The following ZNF521 variants were observed in gnomAD, a reference collection of about 807,000 sequenced individuals.
ZNF521 encodes zinc finger protein 521.
In ZNF521, 14 loss-of-function variants were observed where a neutral mutation model predicts 105.5. That is an observed-to-expected ratio of 0.13 (90% confidence interval 0.09 to 0.21). The LOEUF (loss-of-function observed/expected upper bound fraction) is 0.21. Among genes scored for constraint, ZNF521 ranks in the 10% least tolerant of loss-of-function variants. The pLI is 1.00. For missense variants in ZNF521, 1,233 were observed against 1,629.7 expected (o/e 0.76, Z 4.19); for synonymous variants, 635 against 606.0 (o/e 1.05, Z -0.70).
chr18:25,078,585 T>C (rs1321049315), intron 7 of ZNF521, among the ~76,000 whole-genome samples: 2 of 152,154 alleles, frequency 1.3e-5, no homozygotes, highest in African/African-American at 4.8e-5. Flanking sequence ...TAAAGCCCCT[T>C]TGGAATAAGT....
chr18:25,106,254 T>C (rs1364623787), intron 5 of ZNF521, among the ~76,000 whole-genome samples: 1 of 152,112 alleles, frequency 6.6e-6, no homozygotes. Flanking sequence ...TACAAGGTTG[T>C]TTTCTCTTCC....
Position 25,225,850 on chromosome 18 carries a change from T to C in ZNF521, c.2068A>G (p.Thr690Ala). 1 of 1,614,212 alleles carries C rather than the reference T, an allele frequency of 6.2e-7. No homozygotes were observed. The highest frequency in any genetic ancestry group is 8.5e-7 in the Non-Finnish European group (1 of 1,180,034). The change falls in exon 4 of 8, where the codon ACT becomes GCT. Residue 690 changes from threonine (T) to alanine (A), a missense_variant. Physicochemically the swap from Thr to Ala is moderately conservative, Grantham distance 58. Coordinates refer to ENST00000361524, the MANE Select transcript of ZNF521 (RefSeq NM_015461.3). This position sits in a 1 kb window ranked among gnomAD's most constrained non-coding sequence, Gnocchi z 5.6. Reference protein sequence around the residue: ...LKHVTIHFMITSTYYICESCD... With the variant: ...LKHVTIHFMIASTYYICESCD... The stretch of plus-strand genomic sequence containing the variant: ...CTCTCACAGATGTAATACGTTGAAG[T>C]GATCATAAAGTGAATGGTAACATGC...
At chr18:25,294,968 C>T (rs1037273327) in intron 3 of ZNF521, among the ~76,000 whole-genome samples, 24 of 148,034 alleles carry the variant, frequency 1.6e-4, no homozygotes, top group East Asian at 1.2e-3. Flanking sequence ...AAAAAATTGA[C>T]GAAATATACC....
At chr18:25,177,430 C>T (rs895169290) in intron 5 of ZNF521, among the ~76,000 whole-genome samples, 16 of 152,064 alleles carry the variant, frequency 1.1e-4, no homozygotes, top group African/African-American at 3.9e-4. Context: ...GTAGGAAAAA[C>T]GTGTCATTTA....
intron 7 of ZNF521, among the ~76,000 whole-genome samples, chr18:25,063,655 G>A (rs2032972247): frequency 6.6e-6 from 1 of 152,152 alleles, no homozygotes; most frequent in Non-Finnish European, 1.5e-5. Context: ...GCTAGTTGCT[G>A]TAAAGGATGA....
intron 5 of ZNF521, among the ~76,000 whole-genome samples, chr18:25,190,040 T>G (rs1388167215): frequency 1.3e-5 from 2 of 152,156 alleles, no homozygotes; most frequent in Non-Finnish European, 2.9e-5. Flanking sequence ...AGAGAAAGTA[T>G]CCCTTTTGTA....
intron 5 of ZNF521, among the ~76,000 whole-genome samples, chr18:25,133,842 GGTATAAT>G (rs1233084931): frequency 6.6e-6 from 1 of 151,220 alleles, no homozygotes; most frequent in African/African-American, 2.4e-5. Context: ...GGAATCAATG[GGTATAAT>G]GTGTAGACTT....
At chr18:25,146,813 T>C (rs764883830) in intron 5 of ZNF521, among the ~76,000 whole-genome samples, 1 of 152,178 alleles carries the variant, frequency 6.6e-6, no homozygotes, top group Non-Finnish European at 1.5e-5. Context: ...CAATTTATCC[T>C]TCTCATATGA....
chr18:25,334,717 T>C (rs1426913748), intron 2 of ZNF521, among the ~76,000 whole-genome samples: 6 of 152,156 alleles, frequency 3.9e-5, no homozygotes. Flanking sequence ...TTTTCTTCTC[T>C]ACACAAAAAG....
chr18:25,112,063 C>T (rs1022721356), intron 5 of ZNF521, among the ~76,000 whole-genome samples: 8 of 152,154 alleles, frequency 5.3e-5, no homozygotes, highest in African/African-American at 1.7e-4. Context: ...GGCTCCAGTC[C>T]TCTGAAACAA....
chr18:25,250,488 T>G (rs1908039409), intron 3 of ZNF521, among the ~76,000 whole-genome samples: 1 of 152,218 alleles, frequency 6.6e-6, no homozygotes, highest in Non-Finnish European at 1.5e-5. Context: ...AATTTGTTCC[T>G]TTTACTCCCA....
At chr18:25,311,439 T>C (rs903634871) in intron 3 of ZNF521, among the ~76,000 whole-genome samples, 8 of 151,922 alleles carry the variant, frequency 5.3e-5, no homozygotes, top group African/African-American at 1.9e-4. Flanking sequence ...AATTTCACAT[T>C]TGAAAACATG....
chr18:25,204,127 T>C (rs1025597048), intron 4 of ZNF521, among the ~76,000 whole-genome samples: 4 of 152,212 alleles, frequency 2.6e-5, no homozygotes, highest in Admixed American at 2.0e-4. Context: ...ACTGCAGAAC[T>C]GTGAGCCAAT....
chr18:25,117,446 G>GA (rs2034351675), intron 5 of ZNF521, among the ~76,000 whole-genome samples: 1 of 151,994 alleles, frequency 6.6e-6, no homozygotes, highest in Non-Finnish European at 1.5e-5. Context: ...ATTTTTAACA[G>GA]AAAAGACAAT....
At chr18:25,265,159 A>G (rs1335423778) in intron 3 of ZNF521, among the ~76,000 whole-genome samples, 1 of 152,230 alleles carries the variant, frequency 6.6e-6, no homozygotes. Flanking sequence ...AGGTGACTTA[A>G]CAGCACCATC....
At chr18:25,257,528 T>C in intron 3 of ZNF521, among the ~76,000 whole-genome samples, 1 of 152,346 alleles carries the variant, frequency 6.6e-6, no homozygotes, top group East Asian at 1.9e-4. Flanking sequence ...TCTAATATTC[T>C]ATGACTGTCT....
chr18:25,299,891 C>A (rs1911534665), intron 3 of ZNF521, among the ~76,000 whole-genome samples: 1 of 152,186 alleles, frequency 6.6e-6, no homozygotes, highest in South Asian at 2.1e-4. Flanking sequence ...AAGGTGACCA[C>A]AACGATAACT....
chr18:25,082,273 C>T (rs1393440812), intron 7 of ZNF521, among the ~76,000 whole-genome samples: 2 of 152,140 alleles, frequency 1.3e-5, no homozygotes, highest in Non-Finnish European at 2.9e-5. Context: ...GCTGCGATTT[C>T]AGCCCCAAGA....
At chr18:25,340,368 T>TAATA (rs1310086334) in intron 2 of ZNF521, among the ~76,000 whole-genome samples, 9 of 151,654 alleles carry the variant, frequency 5.9e-5, no homozygotes, top group Non-Finnish European at 8.8e-5. Flanking sequence ...AAAATAATAA[T>TAATA]AATAAATAAA....
Sources: allele counts gnomAD v4.1 joint callset (sites outside exome capture counted in the v4.1 genomes callset), GRCh38; gene constraint gnomAD v4.1.1; non-coding constraint Gnocchi (gnomAD v3.1); transcripts MANE v1.5; gene names NCBI Gene and HGNC (gene_info 2026-07-23, HGNC 2026-07-21).